The following MAGI3 variants were observed in gnomAD, a reference collection of about 807,000 sequenced individuals.
The protein encoded by MAGI3 is membrane-associated guanylate kinase, WW and PDZ domain-containing protein 3.
A neutral mutation model predicts 121.8 loss-of-function variants in MAGI3; 43 were observed. The ratio of observed to expected loss-of-function variants is 0.35; its 90% CI spans 0.28 to 0.46. MAGI3 has a LOEUF of 0.46. Ranked by LOEUF, MAGI3 falls within the 20% of genes least tolerant of loss-of-function variation. The pLI is 1.00. For missense variants in MAGI3, 1,547 were observed against 1,797.3 expected, an observed-to-expected ratio of 0.86 and a Z score of 2.52; for synonymous variants, 553 against 639.3, an observed-to-expected ratio of 0.86 and a Z score of 2.04.
In MAGI3 at chr1:113,683,276, G is replaced by C. The variant is rs1176395459; in HGVS notation, c.3708G>C (p.Leu1236Phe). The change falls in exon 21 of 21, where the codon TTG (leucine) becomes TTC (phenylalanine). Residue 1236 changes from leucine to phenylalanine, a missense_variant. By Grantham distance (22) the Leu-to-Phe change is conservative (BLOSUM62 0). Coordinates refer to ENST00000307546, the MANE Select transcript of MAGI3 (RefSeq NM_001142782.2). ...KPASQHSEEH[L>F]DKIPSPLKNN... ...CCAGTCAACATTCAGAGGAACATTT[G>C]GATAAGATTCCTAGTCCTCTAAAAA... 3 of 1,612,824 alleles carry C rather than the reference G, an allele frequency of 1.9e-6. No individual in the cohort carries two copies. The highest frequency in any genetic ancestry group is 2.5e-6 in the Non-Finnish European group (3 of 1,179,686).
At position 113,646,666 on chromosome 1, in the gene MAGI3, G is replaced by T. The variant is rs773849244; in HGVS notation, c.2155+24G>T. ...ACGTAAGTAGTTGTGGAATATTTCA[G>T]GAGAGCATATAACAAGATAAATTTG... On this transcript the variant is annotated intron_variant, in intron 12 of 20. Transcript: ENST00000307546. The T allele has an allele frequency of 7.7e-6, 12 of 1,552,434 alleles. No homozygotes were observed. The African/African-American group carries it at 1.6e-4, about 21-fold the overall frequency.
Position 113,439,380 on chromosome 1 carries a change from C to T in MAGI3, c.316+48031C>T, listed in dbSNP as rs376587284. Among the ~76,000 whole-genome samples the T allele has an allele frequency of 2.2e-4, 34 of 152,334 alleles. No individual in the cohort carries two copies. In the East Asian group the frequency reaches 2.3e-3, roughly 10 times the overall value. ...GATTTCTTTTCCCTCTGTGCCTTTGCACATACTGTTTCCTCTACTGAGAGC... is the reference window on the plus strand; with the variant it reads ...GATTTCTTTTCCCTCTGTGCCTTTGTACATACTGTTTCCTCTACTGAGAGC... On this transcript the variant is annotated intron_variant, in intron 1 of 20. Coordinates refer to ENST00000307546, the MANE Select transcript of MAGI3 (RefSeq NM_001142782.2).
Position 113,585,360 on chromosome 1 carries a change from T to A in MAGI3, c.554-27T>A, listed in dbSNP as rs772781089. 2.5e-6 allele frequency: 4 copies of A among 1,603,144 alleles called. No homozygotes were observed. The South Asian group carries it at 4.4e-5, about 18-fold the overall frequency. On this transcript the variant is annotated intron_variant, in intron 3 of 20. Coordinates refer to ENST00000307546, the MANE Select transcript of MAGI3 (RefSeq NM_001142782.2). The stretch of plus-strand genomic sequence containing the variant: ...CTGACTCTCACTGCAACATTAGTAA[T>A]TTCAGCTGCTATTTTATTCACTTCA...
intron 1 of MAGI3, among the ~76,000 whole-genome samples, chr1:113,470,596 G>T (rs1022465503): frequency 6.6e-6 from 1 of 152,052 alleles, no homozygotes; most frequent in African/African-American, 2.4e-5. Context: ...TTACAATGCA[G>T]AATTATTAAC....
intron 19 of MAGI3, among the ~76,000 whole-genome samples, chr1:113,674,607 T>G (rs1030512739): frequency 1.3e-5 from 2 of 152,084 alleles, no homozygotes; most frequent in Non-Finnish European, 2.9e-5. Context: ...GTAATTCAAT[T>G]AGAAAGGCAA....
At chr1:113,476,080 T>G (rs1239938878) in intron 1 of MAGI3, among the ~76,000 whole-genome samples, 1 of 152,144 alleles carries the variant, frequency 6.6e-6, no homozygotes. Flanking sequence ...GATATCCCCT[T>G]TATCACTTTT....
chr1:113,506,832 G>A (rs1158302509), intron 1 of MAGI3, among the ~76,000 whole-genome samples: 1 of 152,178 alleles, frequency 6.6e-6, no homozygotes, highest in African/African-American at 2.4e-5. Flanking sequence ...GGCATGCAGG[G>A]GAGAAAGCAA....
At chr1:113,598,906 T>C (rs1292077721) in intron 6 of MAGI3, among the ~76,000 whole-genome samples, 2 of 152,188 alleles carry the variant, frequency 1.3e-5, no homozygotes, top group African/African-American at 4.8e-5. Context: ...TTCTGCAAAG[T>C]AGACCATATG....
chr1:113,448,463 C>T (rs913417842), intron 1 of MAGI3, among the ~76,000 whole-genome samples: 4 of 152,104 alleles, frequency 2.6e-5, no homozygotes, highest in South Asian at 4.1e-4. Flanking sequence ...TCAGATATTC[C>T]GTTAAATATT....
At chr1:113,663,330 A>G (rs2101005112) in intron 16 of MAGI3, among the ~76,000 whole-genome samples, 1 of 151,106 alleles carries the variant, frequency 6.6e-6, no homozygotes, top group East Asian at 1.9e-4. Context: ...TTATTGCTCC[A>G]AAAAGAAACT....
chr1:113,630,050 C>T (rs1263364344), intron 9 of MAGI3, among the ~76,000 whole-genome samples: 1 of 152,026 alleles, frequency 6.6e-6, no homozygotes, highest in Non-Finnish European at 1.5e-5. Context: ...TGAGTTTCCC[C>T]AAGCCGCGAG....
intron 6 of MAGI3, among the ~76,000 whole-genome samples, chr1:113,595,843 C>A (rs533959237): frequency 6.6e-6 from 1 of 152,100 alleles, no homozygotes; most frequent in Non-Finnish European, 1.5e-5. Flanking sequence ...ACAGCCTGGG[C>A]AACAGGGTGA....
intron 2 of MAGI3, among the ~76,000 whole-genome samples, chr1:113,569,403 A>G (rs1169091766): frequency 1.3e-5 from 2 of 152,150 alleles, no homozygotes; most frequent in Non-Finnish European, 2.9e-5. Flanking sequence ...TTAAAAGACC[A>G]GTATTTTATT....
At chr1:113,602,240 A>G (rs1437346728) in intron 6 of MAGI3, among the ~76,000 whole-genome samples, 3 of 152,162 alleles carry the variant, frequency 2.0e-5, no homozygotes, top group Non-Finnish European at 4.4e-5. Context: ...AAATTATAAA[A>G]AAAACTCAAA....
intron 9 of MAGI3, among the ~76,000 whole-genome samples, chr1:113,637,628 G>A (rs1320582690): frequency 6.6e-6 from 1 of 152,108 alleles, no homozygotes; most frequent in African/African-American, 2.4e-5. Context: ...TCCCTTTGTG[G>A]GTAACCCGAC....
At chr1:113,638,067 G>A (rs1652164894) in intron 9 of MAGI3, among the ~76,000 whole-genome samples, 5 of 152,152 alleles carry the variant, frequency 3.3e-5, no homozygotes, top group Admixed American at 2.6e-4. Context: ...TCGAGCCTTG[G>A]CTTTCAGCTC....
chr1:113,426,425 C>T (rs1290847304), intron 1 of MAGI3, among the ~76,000 whole-genome samples: 2 of 152,128 alleles, frequency 1.3e-5, no homozygotes, highest in Non-Finnish European at 2.9e-5. Context: ...GTTAATTTTG[C>T]TGTTCAAAAT....
At chr1:113,676,536 C>T (rs1351995809) in intron 19 of MAGI3, among the ~76,000 whole-genome samples, 1 of 152,228 alleles carries the variant, frequency 6.6e-6, no homozygotes, top group African/African-American at 2.4e-5. Flanking sequence ...CCAGTGTGCT[C>T]TAACCTGTAA....
intron 1 of MAGI3, among the ~76,000 whole-genome samples, chr1:113,451,164 CAT>C (rs1276142620): frequency 3.3e-5 from 5 of 152,106 alleles, no homozygotes; most frequent in Non-Finnish European, 5.9e-5. Flanking sequence ...ATTGGTCCAT[CAT>C]GTGTATTAGA....
Sources: gnomAD v4.1 joint callset for allele counts (sites outside exome capture counted in the v4.1 genomes callset) on GRCh38, gnomAD v4.1.1 for gene constraint, MANE v1.5 for transcripts, NCBI Gene and HGNC (gene_info 2026-07-23, HGNC 2026-07-21) for gene names.